Variants in CSMD1 observed in about 807,000 individuals in gnomAD.
CSMD1 encodes CUB and Sushi multiple domains 1, also known as CUB and sushi domain-containing protein 1.
Under a neutral mutation model 417.5 loss-of-function variants are expected in CSMD1, and 213 were observed. The ratio of observed to expected loss-of-function variants is 0.51; its 90% CI spans 0.46 to 0.57. The LOEUF (loss-of-function observed/expected upper bound fraction) is 0.57, where lower values mean the gene tolerates loss of function less well. CSMD1 is among the 20% of genes least tolerant of loss of function. CSMD1 has a pLI of 0.00. For missense variants in CSMD1, 6,923 were observed against 4,529.7 expected (o/e 1.53, Z -15.17); for synonymous variants, 2,862 against 1,736.8 (o/e 1.65, Z -16.11).
chr8:4,125,874 T>C (rs1384209898), intron 3 of CSMD1, among the ~76,000 whole-genome samples: 3 of 152,006 alleles, frequency 2.0e-5, no homozygotes, highest in African/African-American at 7.3e-5. Context: ...TAGCTACAAG[T>C]TTAGGACTTA....
chr8:3,242,675 AAG>A (rs1799617582), intron 26 of CSMD1, among the ~76,000 whole-genome samples: 1 of 151,830 alleles, frequency 6.6e-6, no homozygotes, highest in East Asian at 1.9e-4. Flanking sequence ...GCTAAGGGAG[AAG>A]AGAGGGGAAT....
Position 3,684,235 on chromosome 8 carries a change from A to G in CSMD1, c.1009+24179T>C, listed in dbSNP as rs967367984. On this transcript the variant is annotated intron_variant, in intron 7 of 69. Coordinates refer to ENST00000635120, the MANE Select transcript of CSMD1 (RefSeq NM_033225.6). The stretch of plus-strand genomic sequence containing the variant: ...TATAATATATAACATAATATATAAT[A>G]TATAATTTATATATTATATAAAATA... Among the ~76,000 whole-genome samples, 29 of 143,584 alleles carry G rather than the reference A, an allele frequency of 2.0e-4. 1 individual carries two copies. The highest frequency in any genetic ancestry group is 2.3e-4 in the Non-Finnish European group (15 of 66,288). 94.2% of individuals were successfully genotyped at this position (143,584 alleles called of 152,430 possible).
intron 1 of CSMD1, among the ~76,000 whole-genome samples, chr8:4,677,335 T>C (rs1038991547): frequency 7.2e-5 from 11 of 151,808 alleles, no homozygotes; most frequent in African/African-American, 2.7e-4. Context: ...TTTATCATTA[T>C]AAACATGTGC....
At chr8:3,098,205 ATAGT>A (rs1297118883) in intron 46 of CSMD1, among the ~76,000 whole-genome samples, 10 of 152,208 alleles carry the variant, frequency 6.6e-5, no homozygotes, top group East Asian at 3.9e-4. Context: ...TAAGAGTTCT[ATAGT>A]TAATCACCTT....
intron 54 of CSMD1, among the ~76,000 whole-genome samples, chr8:2,997,611 G>A (rs543903329): frequency 2.6e-5 from 4 of 152,180 alleles, no homozygotes; most frequent in East Asian, 1.9e-4. Flanking sequence ...CTGTGACTAC[G>A]TTTAAAGAAA....
chr8:3,246,860 C>T (rs553943891), intron 26 of CSMD1, among the ~76,000 whole-genome samples: 51 of 152,230 alleles, frequency 3.4e-4, no homozygotes, highest in African/African-American at 1.2e-3. Flanking sequence ...GCCATTTTAG[C>T]GGTTGATTAA....
chr8:3,529,424 G>A (rs996522062), intron 10 of CSMD1, among the ~76,000 whole-genome samples: 3 of 152,078 alleles, frequency 2.0e-5, no homozygotes, highest in Admixed American at 2.0e-4. Flanking sequence ...GATACATGAG[G>A]AATTCAGCAG....
intron 25 of CSMD1, among the ~76,000 whole-genome samples, chr8:3,301,534 C>G (rs1206138854): frequency 6.6e-6 from 1 of 152,074 alleles, no homozygotes; most frequent in Non-Finnish European, 1.5e-5. Flanking sequence ...TGAATTTTTG[C>G]TGAGCCCTAA....
At chr8:3,835,881 T>A (rs937431265) in intron 5 of CSMD1, among the ~76,000 whole-genome samples, 3 of 152,088 alleles carry the variant, frequency 2.0e-5, no homozygotes, top group Non-Finnish European at 2.9e-5. Context: ...ATTCGTTTTT[T>A]CCATGAAGGC....
At chr8:2,957,664 C>CTTTTT (rs1483645341) in intron 63 of CSMD1, 32 bp downstream of exon 63, 1 of 1,319,644 alleles carries the variant, frequency 7.6e-7, no homozygotes, top group South Asian at 1.3e-5. Context: ...AAATAGGTGA[C>CTTTTT]TTGTGATGGG....
intron 41 of CSMD1, among the ~76,000 whole-genome samples, chr8:3,119,405 A>AC (rs1554430891): frequency 7.1e-6 from 1 of 140,188 alleles, no homozygotes; most frequent in Non-Finnish European, 1.6e-5. Flanking sequence ...AAAAAAAAAA[A>AC]AAAAAAACAC....
chr8:3,657,858 A>T (rs1033986924), intron 7 of CSMD1, among the ~76,000 whole-genome samples: 4 of 152,160 alleles, frequency 2.6e-5, no homozygotes, highest in Non-Finnish European at 4.4e-5. Flanking sequence ...AATAAAAGAG[A>T]AACTATAAAC....
At chr8:3,152,303 G>A (rs1358784508) in intron 39 of CSMD1, among the ~76,000 whole-genome samples, 1 of 152,182 alleles carries the variant, frequency 6.6e-6, no homozygotes, top group Non-Finnish European at 1.5e-5. Context: ...ACAAGACGAA[G>A]CATTTGAAGT....
chr8:3,976,266 CTTAA>C (rs796185024), intron 5 of CSMD1, among the ~76,000 whole-genome samples: 49 of 152,046 alleles, frequency 3.2e-4, no homozygotes, highest in African/African-American at 1.1e-3. Flanking sequence ...AATGTAACTT[CTTAA>C]TTATTTTTAG....
At chr8:4,022,216 T>C (rs2554584) in intron 4 of CSMD1, among the ~76,000 whole-genome samples, 62,279 of 147,738 alleles carry the variant, frequency 0.42, 14,124 homozygotes, top group South Asian at 0.64. Context: ...AGCATTGTTA[T>C]TGGTAATAAA....
At chr8:4,169,569 G>A (rs73508893) in intron 3 of CSMD1, among the ~76,000 whole-genome samples, 5,451 of 152,018 alleles carry the variant, frequency 0.036, 349 homozygotes, top group African/African-American at 0.12. Context: ...CTCATATTTT[G>A]CTCTTCTCAA....
At chr8:3,067,401 T>C (rs1446518303) in intron 49 of CSMD1, among the ~76,000 whole-genome samples, 1 of 152,150 alleles carries the variant, frequency 6.6e-6, no homozygotes, top group Non-Finnish European at 1.5e-5. Context: ...TGCAGGCTCA[T>C]GCTTCTTTCA....
At chr8:4,347,097 G>T (rs1275167099) in intron 3 of CSMD1, among the ~76,000 whole-genome samples, 4 of 152,124 alleles carry the variant, frequency 2.6e-5, no homozygotes, top group African/African-American at 4.8e-5. Context: ...TGACCCCTCA[G>T]AAGTTACTTT....
chr8:3,275,752 G>A (rs1802236023), intron 26 of CSMD1, among the ~76,000 whole-genome samples: 3 of 152,108 alleles, frequency 2.0e-5, no homozygotes, highest in Admixed American at 2.0e-4. Flanking sequence ...TCTTCACGTA[G>A]TTCTGGAGCT....
Sources: allele counts gnomAD v4.1 joint callset (sites outside exome capture counted in the v4.1 genomes callset), GRCh38; gene constraint gnomAD v4.1.1; transcripts MANE v1.5; gene names NCBI Gene and HGNC (gene_info 2026-07-23, HGNC 2026-07-21).